Variants in MARCHF3 observed in about 807,000 individuals in gnomAD.
The protein encoded by MARCHF3 is E3 ubiquitin-protein ligase MARCHF3.
A neutral mutation model predicts 24.2 loss-of-function variants in MARCHF3; 13 were observed. The observed-to-expected ratio is 0.54, with a 90% CI of 0.35 to 0.85. MARCHF3 has a LOEUF of 0.85. MARCHF3 is among the 40% of genes least tolerant of loss of function. The probability of loss-of-function intolerance (pLI) is 0.01; values close to 1 mark genes in which losing one functional copy is unlikely to be tolerated. For missense variants in MARCHF3, 276 were observed against 325.0 expected, an observed-to-expected ratio of 0.85 and a Z score of 1.16; for synonymous variants, 144 against 137.3, an observed-to-expected ratio of 1.05 and a Z score of -0.34.
chr5:126,966,119 AAGTCT>A (rs1750805513), intron 1 of MARCHF3, among the ~76,000 whole-genome samples: 1 of 152,226 alleles, frequency 6.6e-6, no homozygotes, highest in Non-Finnish European at 1.5e-5. Context: ...GCTTATATGA[AAGTCT>A]AGAGGCAAAA....
chr5:126,869,111 AAG>A lies in MARCHF3; in HGVS notation c.*1520_*1521del, dbSNP rs1364348387. On this transcript the variant is annotated 3_prime_UTR_variant, in exon 5 of 5. Transcript: ENST00000308660. ...CCAGTGAATGGAGGGCTCGCCTACA[AAG>A]GGGACACCTGCATCAGCTCCATCAA... 1.3e-5 allele frequency: 2 copies of A among 152,146 alleles called. No homozygotes were observed. The highest frequency in any genetic ancestry group is 2.9e-5 in the Non-Finnish European group (2 of 68,024). 9.4% of individuals were successfully genotyped at this position (152,146 alleles called of 1,614,324 possible).
intron 1 of MARCHF3, among the ~76,000 whole-genome samples, chr5:127,009,652 A>G (rs1482271372): frequency 6.6e-6 from 1 of 152,144 alleles, no homozygotes. Flanking sequence ...TCTTTATTTT[A>G]CCATGAAACT....
At chr5:126,996,303 T>A (rs544948779) in intron 1 of MARCHF3, among the ~76,000 whole-genome samples, 1 of 152,152 alleles carries the variant, frequency 6.6e-6, no homozygotes, top group Admixed American at 6.5e-5. Flanking sequence ...GAACCAGTTA[T>A]CTGATTTGGC....
intron 3 of MARCHF3, among the ~76,000 whole-genome samples, chr5:126,879,632 G>A (rs946043916): frequency 1.3e-5 from 2 of 152,164 alleles, no homozygotes; most frequent in African/African-American, 2.4e-5. Flanking sequence ...AAATCCATTC[G>A]ACAATAGATT....
intron 1 of MARCHF3, among the ~76,000 whole-genome samples, chr5:126,999,456 A>G (rs1752052779): frequency 6.6e-6 from 1 of 152,168 alleles, no homozygotes; most frequent in Admixed American, 6.5e-5. Context: ...TCCAAGCTCT[A>G]GACTTCATCA....
Position 126,916,688 on chromosome 5 carries a change from G to GACACACAC in MARCHF3, c.188+1295_188+1296insGTGTGTGT, listed in dbSNP as rs756972169. On this transcript the variant is annotated intron_variant, in intron 2 of 4. Coordinates refer to ENST00000308660, the MANE Select transcript of MARCHF3 (RefSeq NM_178450.5). Reference sequence around the variant, plus strand: ...GGTAAAAATACCTGACAGACAGACAGACAGACACACACACACACACACACA... The same window carrying GACACACAC: ...GGTAAAAATACCTGACAGACAGACAGACACACACACAGACACACACACACACACACACA... 6.4e-3 allele frequency among the ~76,000 whole-genome samples: 491 copies of GACACACAC among 76,436 alleles called. 2 individuals are homozygous for GACACACAC. Among genetic ancestry groups the GACACACAC allele is most frequent in the South Asian group, 0.017 (36 of 2,162 alleles). 50.1% of individuals were successfully genotyped at this position (76,436 alleles called of 152,430 possible). A position where few individuals can be genotyped will look rare whatever the true frequency, so the allele number is the denominator to read the frequency against.
At chr5:126,963,125 T>C (rs1477780984) in intron 1 of MARCHF3, among the ~76,000 whole-genome samples, 2 of 152,170 alleles carry the variant, frequency 1.3e-5, no homozygotes, top group Non-Finnish European at 2.9e-5. Context: ...TATGCAGCAC[T>C]GAGTAGCCAC....
intron 1 of MARCHF3, chr5:126,946,406 TAAA>T (rs975815933): frequency 6.8e-6 from 1 of 147,916 alleles, no homozygotes; most frequent in Non-Finnish European, 1.5e-5. Flanking sequence ...AGAATTAAAT[TAAA>T]AAAAAATGCC....
chr5:126,937,622 C>T (rs1226107937), intron 1 of MARCHF3, among the ~76,000 whole-genome samples: 3 of 152,082 alleles, frequency 2.0e-5, no homozygotes, highest in Non-Finnish European at 4.4e-5. Flanking sequence ...TTCTTAGCAC[C>T]ATAAGTTAGT....
At chr5:127,016,162 A>G (rs989583183) in intron 1 of MARCHF3, among the ~76,000 whole-genome samples, 1 of 152,188 alleles carries the variant, frequency 6.6e-6, no homozygotes, top group African/African-American at 2.4e-5. Flanking sequence ...GGAAAAAAAC[A>G]TAGTACATAT....
intron 1 of MARCHF3, among the ~76,000 whole-genome samples, chr5:126,960,756 T>C (rs1376594241): frequency 1.3e-5 from 2 of 151,918 alleles, no homozygotes; most frequent in East Asian, 3.9e-4. Flanking sequence ...TTTTATGCAT[T>C]AAAAAAGAGA....
intron 4 of MARCHF3, among the ~76,000 whole-genome samples, chr5:126,873,085 A>G (rs1034665361): frequency 2.6e-5 from 4 of 152,192 alleles, no homozygotes; most frequent in Admixed American, 6.5e-5. Flanking sequence ...CCCCTTTTCC[A>G]TGATGCTGAG....
At chr5:126,995,174 T>G (rs1751908340) in intron 1 of MARCHF3, among the ~76,000 whole-genome samples, 1 of 152,184 alleles carries the variant, frequency 6.6e-6, no homozygotes, top group South Asian at 2.1e-4. Flanking sequence ...CTAATCAAGT[T>G]GACACTCAAT....
Position 126,868,084 on chromosome 5 carries a change from G to C in MARCHF3, c.*2549C>G, listed in dbSNP as rs755309390. On this transcript the variant is annotated 3_prime_UTR_variant, in exon 5 of 5. Transcript: ENST00000308660. ...TCCTCATCTCTTCCTCTTCATTCTT[G>C]ATCTTTCAAAAAGAAGCACAGGAAG... 1.3e-4 allele frequency: 20 copies of C among 152,158 alleles called. No homozygotes were observed. The highest frequency in any genetic ancestry group is 2.5e-4 in the Non-Finnish European group (17 of 68,032). 9.4% of individuals were successfully genotyped at this position (152,158 alleles called of 1,614,324 possible).
chr5:126,907,857 G>A (rs1754359003), intron 3 of MARCHF3, among the ~76,000 whole-genome samples: 1 of 151,398 alleles, frequency 6.6e-6, no homozygotes, highest in African/African-American at 2.4e-5. Context: ...ATTTGATCCT[G>A]TCATTATGAT....
In MARCHF3 at chr5:126,869,273, T is replaced by A. The variant is rs187293605; in HGVS notation, c.*1360A>T. The A allele has an allele frequency of 6.6e-6, 1 of 152,238 alleles. No individual in the cohort carries two copies. The highest frequency in any genetic ancestry group is 1.5e-5 in the Non-Finnish European group (1 of 68,068). The allele number at this position is 152,238 out of a possible 1,614,324, so 9.4% of individuals were successfully genotyped here. ...GTTCTAGAATTCCATATTTTAAGCA[T>A]TCCGGAAGCAGGGCTCCGCCCCTCC... On this transcript the variant is annotated 3_prime_UTR_variant, in exon 5 of 5. Coordinates refer to ENST00000308660, the MANE Select transcript of MARCHF3 (RefSeq NM_178450.5).
intron 1 of MARCHF3, among the ~76,000 whole-genome samples, chr5:127,003,050 A>G (rs1240506028): frequency 1.3e-5 from 2 of 152,096 alleles, no homozygotes; most frequent in African/African-American, 4.8e-5. Flanking sequence ...TCTGTCATTT[A>G]TCTCATTAGC....
chr5:127,026,047 T>G (rs947172876), intron 1 of MARCHF3, among the ~76,000 whole-genome samples: 2 of 151,616 alleles, frequency 1.3e-5, no homozygotes, highest in African/African-American at 4.9e-5. Flanking sequence ...CATAAAAAAC[T>G]TGAAAAGAAC....
At chr5:126,886,324 C>T (rs543312895) in intron 3 of MARCHF3, among the ~76,000 whole-genome samples, 3 of 152,268 alleles carry the variant, frequency 2.0e-5, no homozygotes, top group South Asian at 4.2e-4. Flanking sequence ...ATCTTGATCC[C>T]AGTTTTTGTT....
Sources: allele counts gnomAD v4.1 joint callset (sites outside exome capture counted in the v4.1 genomes callset), GRCh38; gene constraint gnomAD v4.1.1; transcripts MANE v1.5; gene names NCBI Gene and HGNC (gene_info 2026-07-23, HGNC 2026-07-21).